PTPN4: variants seen among roughly 807,000 people sequenced by gnomAD.
PTPN4 encodes protein tyrosine phosphatase non-receptor type 4.
In PTPN4, 49 loss-of-function variants were observed where a neutral mutation model predicts 135.5. That is an observed-to-expected ratio of 0.36 (90% CI 0.29 to 0.46). The LOEUF (loss-of-function observed/expected upper bound fraction) is 0.46, where lower values mean the gene tolerates loss of function less well. Among genes scored for constraint, PTPN4 ranks in the 20% least tolerant of loss-of-function variants. The probability of loss-of-function intolerance (pLI) is 1.00; values close to 1 mark genes in which losing one functional copy is unlikely to be tolerated. For missense variants in PTPN4, 860 were observed against 1,101.0 expected (o/e 0.78, Z 3.10); for synonymous variants, 333 against 369.9 (o/e 0.90, Z 1.14).
chr2:119,817,689 T>C (rs1410013931), intron 2 of PTPN4, among the ~76,000 whole-genome samples: 1 of 152,200 alleles, frequency 6.6e-6, no homozygotes, highest in Non-Finnish European at 1.5e-5. Context: ...TAGTTTTCTC[T>C]AGTTCTTTGA....
chr2:119,944,803 T>A (rs1356576521), intron 15 of PTPN4, among the ~76,000 whole-genome samples: 1 of 152,178 alleles, frequency 6.6e-6, no homozygotes, highest in Non-Finnish European at 1.5e-5. Flanking sequence ...AAAAAATTTT[T>A]TTGGAAAGAT....
intron 2 of PTPN4, among the ~76,000 whole-genome samples, chr2:119,860,056 A>C (rs1410092944): frequency 6.6e-6 from 1 of 152,248 alleles, no homozygotes; most frequent in Non-Finnish European, 1.5e-5. Context: ...CAAGGTCTAG[A>C]GTCCAGAAAT....
chr2:119,915,101 C>A (rs531159322), intron 10 of PTPN4, 78 bp from the exon 11 acceptor site: 3 of 1,222,652 alleles, frequency 2.5e-6, no homozygotes, highest in East Asian at 3.0e-5. Context: ...TAAATATACA[C>A]TTAAAACATT....
At chr2:119,775,244 T>C (rs1690813670) in intron 1 of PTPN4, among the ~76,000 whole-genome samples, 1 of 152,036 alleles carries the variant, frequency 6.6e-6, no homozygotes, top group Admixed American at 6.6e-5. Context: ...GGACTGCCCT[T>C]ATCTATAAAG....
chr2:119,934,991 T>G, intron 15 of PTPN4, 33 bp downstream of exon 15: 1 of 1,565,340 alleles, frequency 6.4e-7, no homozygotes, highest in African/African-American at 1.4e-5. Flanking sequence ...TCCTCTGTAT[T>G]TTCAAATGCC....
chr2:119,810,066 TATTAA>T (rs1358648059), intron 2 of PTPN4, 75 bp downstream of exon 2: 6 of 1,450,094 alleles, frequency 4.1e-6, no homozygotes, highest in Non-Finnish European at 5.6e-6. Context: ...AAACTAGGAT[TATTAA>T]ATTATAGTAC....
intron 10 of PTPN4, among the ~76,000 whole-genome samples, chr2:119,907,096 G>A (rs1678500854): frequency 5.3e-5 from 8 of 152,090 alleles, no homozygotes; most frequent in Admixed American, 5.2e-4. Context: ...AACCAAGGAG[G>A]TGAAAGATCT....
intron 2 of PTPN4, among the ~76,000 whole-genome samples, chr2:119,815,492 T>C (rs1038109753): frequency 3.3e-5 from 5 of 152,200 alleles, no homozygotes; most frequent in Non-Finnish European, 5.9e-5. Context: ...TATATAACGT[T>C]TTCATCCATG....
At chr2:119,929,786 G>A (rs1484549899) in intron 13 of PTPN4, among the ~76,000 whole-genome samples, 1 of 152,096 alleles carries the variant, frequency 6.6e-6, no homozygotes, top group African/African-American at 2.4e-5. Context: ...GTCCAGCCAT[G>A]TTTAGTCCAT....
intron 1 of PTPN4, among the ~76,000 whole-genome samples, chr2:119,762,907 G>A (rs1690534839): frequency 6.6e-6 from 1 of 152,096 alleles, no homozygotes. Context: ...CAGTTTACTA[G>A]AATAAGCTGT....
At chr2:119,765,135 A>C (rs1042033777) in intron 1 of PTPN4, among the ~76,000 whole-genome samples, 2 of 152,238 alleles carry the variant, frequency 1.3e-5, no homozygotes, top group Non-Finnish European at 1.5e-5. Flanking sequence ...GGATTAAGAT[A>C]CTATATGTAA....
rs189227304 is a variant in PTPN4, at chr2:119,779,172, T to A, written c.-18+18788T>A. On this transcript the variant is annotated intron_variant, in intron 1 of 26. Coordinates refer to ENST00000263708, the MANE Select transcript of PTPN4 (RefSeq NM_002830.4). ...TTCACATGGCTTGAGGGAACCTTCT[T>A]TGTATACAGCGTTATAACAATAAGC... Among the ~76,000 whole-genome samples the A allele has an allele frequency of 5.7e-3, 861 of 152,334 alleles. 15 individuals carry two copies. The highest frequency in any genetic ancestry group is 5.2e-3 in the Non-Finnish European group (357 of 68,030).
At chr2:119,776,166 A>G (rs1690833171) in intron 1 of PTPN4, among the ~76,000 whole-genome samples, 1 of 152,140 alleles carries the variant, frequency 6.6e-6, no homozygotes, top group African/African-American at 2.4e-5. Context: ...ACCATAATAT[A>G]AAGATTTATT....
At chr2:119,934,448 A>G (rs1340396358) in intron 14 of PTPN4, among the ~76,000 whole-genome samples, 1 of 152,250 alleles carries the variant, frequency 6.6e-6, no homozygotes, top group African/African-American at 2.4e-5. Context: ...CAATTAAAAA[A>G]TAATTCAGAC....
chr2:119,777,661 A>G (rs991903122), intron 1 of PTPN4, among the ~76,000 whole-genome samples: 4 of 152,080 alleles, frequency 2.6e-5, no homozygotes, highest in African/African-American at 7.2e-5. Flanking sequence ...TATTTTATAT[A>G]TATTTATTTT....
chr2:119,877,418 G>A (rs1286458705), intron 4 of PTPN4, 46 bp from the exon 5 acceptor site: 2 of 1,607,522 alleles, frequency 1.2e-6, no homozygotes. Context: ...TAAAGATAAA[G>A]GATTAATATA....
intron 26 of PTPN4, among the ~76,000 whole-genome samples, chr2:119,968,574 G>A (rs1195669918): frequency 3.9e-5 from 6 of 152,040 alleles, no homozygotes; most frequent in Non-Finnish European, 7.4e-5. Context: ...GGCGGATCAC[G>A]AGGTCAGGAG....
chr2:119,971,067 T>G (rs1358249347), intron 26 of PTPN4, among the ~76,000 whole-genome samples: 1 of 152,212 alleles, frequency 6.6e-6, no homozygotes, highest in Non-Finnish European at 1.5e-5. Flanking sequence ...TTCACACTGC[T>G]ACAAATAAAC....
intron 9 of PTPN4, among the ~76,000 whole-genome samples, chr2:119,892,718 T>C (rs78653065): frequency 1.3e-5 from 2 of 151,594 alleles, no homozygotes; most frequent in South Asian, 2.1e-4. Flanking sequence ...TTTTTTTTTT[T>C]CCTTCTTTCT....
Sources: allele counts gnomAD v4.1 joint callset (sites outside exome capture counted in the v4.1 genomes callset), GRCh38; gene constraint gnomAD v4.1.1; transcripts MANE v1.5; gene names NCBI Gene and HGNC (gene_info 2026-07-23, HGNC 2026-07-21).